C2orf78: variants seen among roughly 807,000 people sequenced by gnomAD.
C2orf78 encodes the protein chromosome 2 open reading frame 78, also known as uncharacterized protein C2orf78.
A neutral mutation model predicts 21.4 loss-of-function variants in C2orf78; 12 were observed. The observed-to-expected ratio is 0.56, with a 90% CI of 0.36 to 0.91. The LOEUF (loss-of-function observed/expected upper bound fraction) is 0.91. C2orf78 is among the 40% of genes least tolerant of loss of function. The pLI is 0.01. For synonymous variants in C2orf78, 396 were observed against 413.9 expected (o/e 0.96, Z 0.52); for missense variants, 1,042 against 1,092.4 (o/e 0.95, Z 0.65).
At chr2:73,786,306 G>C (rs1672933026) in intron 1 of C2orf78, among the ~76,000 whole-genome samples, 2 of 151,416 alleles carry the variant, frequency 1.3e-5, no homozygotes, top group East Asian at 3.9e-4. Flanking sequence ...TTGAACCAGG[G>C]AGGCGCATGA....
At chr2:73,812,088 T>C (rs993660400) in intron 1 of C2orf78, among the ~76,000 whole-genome samples, 1 of 152,212 alleles carries the variant, frequency 6.6e-6, no homozygotes, top group African/African-American at 2.4e-5. Context: ...CTATACATTT[T>C]CTGCTTCTTA....
chr2:73,808,826 A>T lies in C2orf78; in HGVS notation c.98-4651A>T, dbSNP rs748728762. On this transcript the variant is annotated intron_variant, in intron 1 of 2. Coordinates refer to ENST00000409561, the Ensembl canonical transcript of C2orf78. The stretch of plus-strand genomic sequence containing the variant: ...ACACATGCACTGGTTGGCTTCAGCC[A>T]CCCAGACATCCGCTAGTATCGTCTC... The T allele has an allele frequency of 1.2e-5, 16 of 1,384,338 alleles. 1 individual carries two copies. The South Asian group carries it at 2.0e-4, about 17-fold the overall frequency. The allele number at this position is 1,384,338 out of a possible 1,614,324, so 85.8% of individuals were successfully genotyped here. A position where few individuals can be genotyped will look rare whatever the true frequency, so the allele number is the denominator to read the frequency against.
At chr2:73,814,164 T>C (rs764364708) in exon 2 of C2orf78, 2 of 1,608,868 alleles carry the variant, frequency 1.2e-6, no homozygotes, top group Non-Finnish European at 1.7e-6. Flanking sequence ...CTACCACCAG[T>C]CTCTACTTCT....
At chr2:73,812,202 G>T (rs925998695) in intron 1 of C2orf78, among the ~76,000 whole-genome samples, 2 of 152,180 alleles carry the variant, frequency 1.3e-5, no homozygotes, top group Admixed American at 1.3e-4. Flanking sequence ...CTAAGAAAGA[G>T]TAGATACTAT....
chr2:73,811,239 C>T (rs1353003947), intron 1 of C2orf78, among the ~76,000 whole-genome samples: 5 of 151,428 alleles, frequency 3.3e-5, no homozygotes, highest in Admixed American at 1.3e-4. Context: ...TGCAGTGAGC[C>T]GAGATCTTGC....
At chr2:73,785,913 G>A (rs1042800016) in intron 1 of C2orf78, among the ~76,000 whole-genome samples, 3 of 151,964 alleles carry the variant, frequency 2.0e-5, no homozygotes, top group African/African-American at 7.3e-5. Context: ...GGGCATGGTG[G>A]CACATGCGTG....
At chr2:73,815,316 A>G (rs1041320753) in exon 3 of C2orf78, 1 of 1,613,958 alleles carries the variant, frequency 6.2e-7, no homozygotes, top group Non-Finnish European at 8.5e-7. Flanking sequence ...TTTGGATGAG[A>G]TTAAAACCAA....
At chr2:73,810,256 C>A (rs946827839) in intron 1 of C2orf78, among the ~76,000 whole-genome samples, 2 of 151,880 alleles carry the variant, frequency 1.3e-5, no homozygotes, top group African/African-American at 4.8e-5. Context: ...AGAGGCCGGG[C>A]AGGATGGCTC....
intron 1 of C2orf78, among the ~76,000 whole-genome samples, chr2:73,813,118 C>A (rs1270489602): frequency 6.6e-6 from 1 of 152,166 alleles, no homozygotes; most frequent in African/African-American, 2.4e-5. Context: ...TCTCTAAGGA[C>A]CTCCTAGTTC....
intron 1 of C2orf78, among the ~76,000 whole-genome samples, chr2:73,811,108 TG>T: frequency 6.6e-6 from 1 of 151,354 alleles, no homozygotes; most frequent in Non-Finnish European, 1.5e-5. Flanking sequence ...CTGGCCAACA[TG>T]GTGAAATCCC....
At chr2:73,815,173 G>A in exon 3 of C2orf78, 2 of 1,613,970 alleles carry the variant, frequency 1.2e-6, no homozygotes, top group Non-Finnish European at 1.7e-6. Context: ...TCCTTCAGTA[G>A]CAGAAATACC....
exon 3 of C2orf78, chr2:73,816,629 T>C: frequency 6.2e-7 from 1 of 1,613,580 alleles, no homozygotes; most frequent in Non-Finnish European, 8.5e-7. Context: ...CTACCCAGCC[T>C]ACTGTCCCTC....
chr2:73,811,832 T>A (rs1332327038), intron 1 of C2orf78, among the ~76,000 whole-genome samples: 4 of 152,178 alleles, frequency 2.6e-5, no homozygotes. Context: ...TTCTGCTTGT[T>A]ATGTGGCTAC....
At chr2:73,815,616 C>G in exon 3 of C2orf78, 1 of 1,613,922 alleles carries the variant, frequency 6.2e-7, no homozygotes, top group Non-Finnish European at 8.5e-7. Flanking sequence ...AGATCTTGAC[C>G]AACCTGAAAG....
At chr2:73,814,923 C>T (rs1194336989) in intron 2 of C2orf78, 148 bp from the exon 3 acceptor site, 1 of 668,608 alleles carries the variant, frequency 1.5e-6, no homozygotes, top group Non-Finnish European at 2.5e-6. Context: ...CACTGCCAAT[C>T]TCCTAATACA....
intron 1 of C2orf78, among the ~76,000 whole-genome samples, chr2:73,810,811 G>T: frequency 1.4e-5 from 1 of 70,706 alleles, no homozygotes; most frequent in Non-Finnish European, 3.0e-5. Flanking sequence ...TAATATACAT[G>T]TATAATTAAT....
intron 2 of C2orf78, among the ~76,000 whole-genome samples, chr2:73,814,751 A>G (rs1259475913): frequency 6.6e-6 from 1 of 152,182 alleles, no homozygotes; most frequent in African/African-American, 2.4e-5. Context: ...TTATTCTCTC[A>G]GGAGAGTGGA....
At chr2:73,813,975 A>G in exon 2 of C2orf78, 1 of 1,614,074 alleles carries the variant, frequency 6.2e-7, no homozygotes, top group African/African-American at 1.3e-5. Context: ...CAGCAGGGCC[A>G]TAACCTGTCA....
exon 3 of C2orf78, chr2:73,815,605 A>G (rs764595820): frequency 1.2e-6 from 2 of 1,614,038 alleles, no homozygotes; most frequent in Middle Eastern, 1.6e-4. Flanking sequence ...AGTTCCTTAC[A>G]AGATCTTGAC....
Sources: gnomAD v4.1 joint callset for allele counts (sites outside exome capture counted in the v4.1 genomes callset) on GRCh38, gnomAD v4.1.1 for gene constraint, MANE v1.5 for transcripts, NCBI Gene and HGNC (gene_info 2026-07-23, HGNC 2026-07-21) for gene names.